LRRC37A2: variants seen among roughly 807,000 people sequenced by gnomAD.
LRRC37A2 encodes leucine rich repeat containing 37 member A2.
In LRRC37A2, 9 loss-of-function variants were observed where a neutral mutation model predicts 68.8. The observed-to-expected ratio is 0.13, with a 90% CI of 0.08 to 0.23. The LOEUF (loss-of-function observed/expected upper bound fraction) is 0.23, where lower values mean the gene tolerates loss of function less well. Ranked by LOEUF, LRRC37A2 falls within the 10% of genes least tolerant of loss-of-function variation. LRRC37A2 has a pLI of 1.00. For missense variants in LRRC37A2, 168 were observed against 950.4 expected (o/e 0.18, Z 10.82); for synonymous variants, 63 against 367.6 (o/e 0.17, Z 9.48).
the LRRC37A2 span, among the ~76,000 whole-genome samples, chr17:46,492,212 G>T: frequency 6.6e-6 from 1 of 151,348 alleles, no homozygotes; most frequent in Non-Finnish European, 1.5e-5. Context: ...TAATCCGCCG[G>T]CCTCGGCCTC....
At chr17:46,725,729 T>C in the LRRC37A2 span, among the ~76,000 whole-genome samples, 31 of 152,204 alleles carry the variant, frequency 2.0e-4, no homozygotes, top group Admixed American at 1.6e-3. Context: ...ACTATCTTGG[T>C]GTGCTGAGGT....
the LRRC37A2 span, among the ~76,000 whole-genome samples, chr17:46,890,520 G>A: frequency 1.3e-5 from 2 of 152,180 alleles, no homozygotes; most frequent in Non-Finnish European, 2.9e-5. Flanking sequence ...GGTGTCGTGT[G>A]ACAGCACTGC....
the LRRC37A2 span, chr17:46,818,582 G>T: frequency 6.2e-7 from 1 of 1,603,096 alleles, no homozygotes; most frequent in Non-Finnish European, 8.5e-7. Context: ...AGCAGCCCGA[G>T]CAGGTGGGGC....
chr17:47,023,438 G>C, the LRRC37A2 span, among the ~76,000 whole-genome samples: 1 of 152,122 alleles, frequency 6.6e-6, no homozygotes, highest in Non-Finnish European at 1.5e-5. Context: ...TTTAATCCCA[G>C]CACCTTGGGA....
chr17:46,842,056 G>A, the LRRC37A2 span, among the ~76,000 whole-genome samples: 10 of 152,324 alleles, frequency 6.6e-5, no homozygotes. Flanking sequence ...CTGGGGACCC[G>A]GGAGGCCTCC....
the LRRC37A2 span, chr17:46,932,443 A>G: frequency 1.7e-6 from 1 of 602,440 alleles, no homozygotes; most frequent in African/African-American, 1.8e-5. Context: ...CAGAGGTGAA[A>G]ATTACCTGGT....
chr17:46,970,535 C>CAAAAA, the LRRC37A2 span, among the ~76,000 whole-genome samples: 8 of 51,192 alleles, frequency 1.6e-4, no homozygotes, highest in African/African-American at 2.7e-4. Context: ...GACTCCATCT[C>CAAAAA]AAAAAAAAAA....
the LRRC37A2 span, among the ~76,000 whole-genome samples, chr17:46,845,943 A>T: frequency 6.6e-6 from 1 of 152,058 alleles, no homozygotes; most frequent in African/African-American, 2.4e-5. Flanking sequence ...GGCACCTGCC[A>T]CCAGGCCCAG....
the LRRC37A2 span, among the ~76,000 whole-genome samples, chr17:46,598,860 TA>T: frequency 6.8e-6 from 1 of 147,180 alleles, no homozygotes; most frequent in Admixed American, 6.8e-5. Context: ...AAGTGTTTGG[TA>T]GTCCATTTCC....
the LRRC37A2 span, among the ~76,000 whole-genome samples, chr17:46,793,975 G>A: frequency 3.2e-4 from 49 of 152,206 alleles, no homozygotes; most frequent in African/African-American, 9.2e-4. Context: ...GCATTTATTC[G>A]GCACCTGCTA....
At chr17:46,890,515 C>T in the LRRC37A2 span, among the ~76,000 whole-genome samples, 1 of 152,112 alleles carries the variant, frequency 6.6e-6, no homozygotes, top group East Asian at 1.9e-4. Context: ...ATACTGGTGT[C>T]GTGTGACAGC....
the LRRC37A2 span, among the ~76,000 whole-genome samples, chr17:47,019,968 T>C: frequency 2.7e-5 from 4 of 149,952 alleles, no homozygotes; most frequent in Admixed American, 2.0e-4. Context: ...CCTTTAATGT[T>C]AGGCCCCTTC....
the LRRC37A2 span, among the ~76,000 whole-genome samples, chr17:46,494,415 C>T: frequency 2.7e-5 from 4 of 148,492 alleles, no homozygotes; most frequent in South Asian, 8.4e-4. Flanking sequence ...AATATTTCAG[C>T]CTTGCTGTCC....
the LRRC37A2 span, chr17:46,934,949 T>C: frequency 7.5e-7 from 1 of 1,327,554 alleles, no homozygotes; most frequent in Non-Finnish European, 1.1e-6. Context: ...TGGCTTGGCC[T>C]TGGCCAAAAG....
At chr17:47,037,490 C>A in the LRRC37A2 span, among the ~76,000 whole-genome samples, 1 of 152,314 alleles carries the variant, frequency 6.6e-6, no homozygotes, top group South Asian at 2.1e-4. Flanking sequence ...TTATTATCTG[C>A]TTCATGTTTA....
the LRRC37A2 span, among the ~76,000 whole-genome samples, chr17:46,720,965 G>A: frequency 6.6e-6 from 1 of 152,168 alleles, no homozygotes; most frequent in Non-Finnish European, 1.5e-5. Flanking sequence ...AGACTCTGGA[G>A]CCCGTAGCTG....
At chr17:46,840,762 G>A in the LRRC37A2 span, among the ~76,000 whole-genome samples, 1 of 152,314 alleles carries the variant, frequency 6.6e-6, no homozygotes, top group Middle Eastern at 3.4e-3. Context: ...GTGATGATGA[G>A]CATTTTTTCA....
chr17:46,782,189 G>A, the LRRC37A2 span, among the ~76,000 whole-genome samples: 4 of 152,162 alleles, frequency 2.6e-5, no homozygotes, highest in East Asian at 1.9e-4. Context: ...TTCTCCATGC[G>A]GAAATCTAAC....
At chr17:47,034,605 A>G in the LRRC37A2 span, among the ~76,000 whole-genome samples, 1 of 152,020 alleles carries the variant, frequency 6.6e-6, no homozygotes, top group African/African-American at 2.4e-5. Flanking sequence ...AAAAAATAGA[A>G]ACAGGGTCTC....
Sources: allele counts gnomAD v4.1 joint callset (sites outside exome capture counted in the v4.1 genomes callset), GRCh38; gene constraint gnomAD v4.1.1; transcripts MANE v1.5; gene names NCBI Gene and HGNC (gene_info 2026-07-23, HGNC 2026-07-21).